CTDSPL: variants seen among roughly 807,000 people sequenced by gnomAD.
The protein encoded by CTDSPL is CTD small phosphatase like.
A neutral mutation model predicts 30.5 loss-of-function variants in CTDSPL; 8 were observed. The ratio of observed to expected loss-of-function variants is 0.26; its 90% CI spans 0.15 to 0.47. CTDSPL has a LOEUF of 0.47. CTDSPL is among the 20% of genes least tolerant of loss of function. The probability of loss-of-function intolerance (pLI) is 0.99; values close to 1 mark genes in which losing one functional copy is unlikely to be tolerated. For missense variants in CTDSPL, 248 were observed against 366.1 expected, an observed-to-expected ratio of 0.68 and a Z score of 2.63; for synonymous variants, 110 against 137.9, an observed-to-expected ratio of 0.80 and a Z score of 1.42.
intron 7 of CTDSPL, among the ~76,000 whole-genome samples, chr3:37,976,403 C>T (rs1306050951): frequency 6.6e-6 from 1 of 151,832 alleles, no homozygotes; most frequent in African/African-American, 2.4e-5. Flanking sequence ...TTTGGGAGGC[C>T]GAGGCAGATC....
intron 2 of CTDSPL, among the ~76,000 whole-genome samples, chr3:37,950,261 G>A (rs1699092082): frequency 6.6e-6 from 1 of 152,130 alleles, no homozygotes; most frequent in Non-Finnish European, 1.5e-5. Context: ...CTCATAGACT[G>A]ACCTGCACAG....
rs748796582 is a variant in CTDSPL at position 37,971,398 on chromosome 3, C to T, written c.427-9C>T. ...CATCTGACCAGCCTGCTGTCTCCTG[C>T]CATTGCAGGTGTATGTGCTGAAGCG... On this transcript the variant is annotated splice_polypyrimidine_tract_variant and intron_variant, in intron 5 of 7. Transcript: ENST00000273179. 5.6e-5 allele frequency: 90 copies of T among 1,612,874 alleles called. No homozygotes were observed. Among genetic ancestry groups the T allele is most frequent in the Non-Finnish European group, 6.1e-5 (72 of 1,179,358 alleles).
At chr3:37,953,970 A>G (rs1699139096) in intron 2 of CTDSPL, among the ~76,000 whole-genome samples, 1 of 152,240 alleles carries the variant, frequency 6.6e-6, no homozygotes, top group Non-Finnish European at 1.5e-5. Context: ...AGTTGATTCA[A>G]ATCATAACAG....
intron 6 of CTDSPL, 35 bp downstream of exon 6, chr3:37,971,534 T>C (rs1322331814): frequency 1.1e-5 from 17 of 1,584,890 alleles, no homozygotes; most frequent in African/African-American, 1.3e-5. Context: ...ACTCCCAGCC[T>C]GGTACTCCCA....
chr3:37,944,368 G>A (rs774878259), intron 1 of CTDSPL, among the ~76,000 whole-genome samples: 13 of 150,090 alleles, frequency 8.7e-5, no homozygotes, highest in Admixed American at 2.0e-4. Context: ...ATGTTATGAC[G>A]TCAACATTTG....
chr3:37,949,226 A>G (rs149243749), intron 2 of CTDSPL, among the ~76,000 whole-genome samples: 1,965 of 152,338 alleles, frequency 0.013, 33 homozygotes, highest in Non-Finnish European at 0.019. Context: ...GCTGGTAACA[A>G]TGTTAATTGA....
chr3:37,972,432 C>T (rs1699377952), intron 6 of CTDSPL, among the ~76,000 whole-genome samples: 1 of 152,134 alleles, frequency 6.6e-6, no homozygotes, highest in South Asian at 2.1e-4. Flanking sequence ...GCAGAGGTTG[C>T]AGTGAGCCAA....
At chr3:37,871,144 A>G (rs1698066871) in intron 1 of CTDSPL, among the ~76,000 whole-genome samples, 1 of 152,100 alleles carries the variant, frequency 6.6e-6, no homozygotes. Context: ...CCTGGCAACC[A>G]CTGATCTTTT....
At chr3:37,978,600 A>G (rs1290773847) in intron 7 of CTDSPL, among the ~76,000 whole-genome samples, 2 of 152,164 alleles carry the variant, frequency 1.3e-5, no homozygotes, top group Non-Finnish European at 2.9e-5. Context: ...AGAATTTTCC[A>G]CTTGTGGTGC....
At chr3:37,955,826 AC>A (rs1699166143) in intron 2 of CTDSPL, among the ~76,000 whole-genome samples, 2 of 147,140 alleles carry the variant, frequency 1.4e-5, no homozygotes, top group Non-Finnish European at 3.0e-5. Flanking sequence ...CTGCACATGT[AC>A]CCCTGAACCT....
intron 1 of CTDSPL, among the ~76,000 whole-genome samples, chr3:37,871,531 C>G (rs1368793262): frequency 6.6e-6 from 1 of 152,136 alleles, no homozygotes; most frequent in Non-Finnish European, 1.5e-5. Context: ...AAGAAACTGC[C>G]AAACTGTGTT....
chr3:37,966,765 T>C (rs1447128118), intron 4 of CTDSPL, among the ~76,000 whole-genome samples: 2 of 152,308 alleles, frequency 1.3e-5, no homozygotes, highest in East Asian at 3.9e-4. Context: ...AGAGGGTTTG[T>C]GTGTACTGTG....
chr3:37,920,050 T>G (rs1698695688), intron 1 of CTDSPL, among the ~76,000 whole-genome samples: 1 of 151,928 alleles, frequency 6.6e-6, no homozygotes, highest in Non-Finnish European at 1.5e-5. Context: ...ACAATACAAA[T>G]TTATTCTCTT....
chr3:37,883,204 T>C (rs1456299180), intron 1 of CTDSPL, among the ~76,000 whole-genome samples: 1 of 152,216 alleles, frequency 6.6e-6, no homozygotes, highest in African/African-American at 2.4e-5. Context: ...AGAAATCCAG[T>C]TGGACCAAGT....
chr3:37,862,213 C>G lies in CTDSPL; in HGVS notation c.14C>G (p.Ala5Gly). The stretch of plus-strand genomic sequence containing the variant: ...CGCCGCGCACCCATGGACGGCCCGG[C>G]CATCATCACCCAGGTGACCAACCCC... MDGP[A>G]IITQVTNPKE... The change falls in exon 1 of 8, where the codon GCC (alanine) becomes GGC (glycine). Residue 5 changes from alanine to glycine, a missense_variant. Physicochemically the swap from Ala to Gly is moderately conservative, Grantham distance 60. Around this residue, in one of 4 missense-constraint regions of CTDSPL, gnomAD observed 118 missense variants for 124.7 expected, o/e 0.95. Coordinates refer to ENST00000273179, the MANE Select transcript of CTDSPL (RefSeq NM_001008392.2). The surrounding 1 kb of genome is among the most constrained non-coding windows in gnomAD (Gnocchi z 4.3). 5 of 1,439,448 alleles carry G rather than the reference C, an allele frequency of 3.5e-6. No homozygotes were observed. Among genetic ancestry groups the G allele is most frequent in the Non-Finnish European group, 4.6e-6 (5 of 1,095,868 alleles). The allele number at this position is 1,439,448 out of a possible 1,614,324, so 89.2% of individuals were successfully genotyped here. A position where few individuals can be genotyped will look rare whatever the true frequency, so the allele number is the denominator to read the frequency against.
chr3:37,888,119 T>C (rs1444644901), intron 1 of CTDSPL, among the ~76,000 whole-genome samples: 1 of 152,168 alleles, frequency 6.6e-6, no homozygotes, highest in Non-Finnish European at 1.5e-5. Context: ...AGTTTGGGTC[T>C]GAAGGATCCA....
chr3:37,975,675 A>G lies in CTDSPL; in HGVS notation c.520-34A>G. Reference sequence around the variant, plus strand: ...TTCAGGGTTTGGGGGGCTCTTTTAAACACCCAGCCTTCATTGTGACACGTC... The same window carrying G: ...TTCAGGGTTTGGGGGGCTCTTTTAAGCACCCAGCCTTCATTGTGACACGTC... On this transcript the variant is annotated intron_variant, in intron 6 of 7. Coordinates refer to ENST00000273179, the MANE Select transcript of CTDSPL (RefSeq NM_001008392.2). This position sits in a 1 kb window ranked among gnomAD's most constrained non-coding sequence, Gnocchi z 4.9. 1.3e-6 allele frequency: 2 copies of G among 1,564,098 alleles called. No individual in the cohort carries two copies. The highest frequency in any genetic ancestry group is 4.5e-5 in the East Asian group (2 of 43,998).
At chr3:37,891,228 T>G (rs184022325) in intron 1 of CTDSPL, among the ~76,000 whole-genome samples, 2 of 152,334 alleles carry the variant, frequency 1.3e-5, no homozygotes, top group East Asian at 3.9e-4. Context: ...TCACCACCGC[T>G]GACCTACAGT....
At chr3:37,896,495 CAGTGAGGTGGGA>C (rs1482697915) in intron 1 of CTDSPL, among the ~76,000 whole-genome samples, 1 of 152,112 alleles carries the variant, frequency 6.6e-6, no homozygotes, top group East Asian at 1.9e-4. Flanking sequence ...TCATGTCTTT[CAGTGAGGTGGGA>C]AGTGAATGCT....
Sources: allele counts gnomAD v4.1 joint callset (sites outside exome capture counted in the v4.1 genomes callset), GRCh38; gene constraint gnomAD v4.1.1; regional missense constraint gnomAD v4.1.1; non-coding constraint Gnocchi (gnomAD v3.1); transcripts MANE v1.5; gene names NCBI Gene and HGNC (gene_info 2026-07-23, HGNC 2026-07-21).